The following SENP5 variants were observed in gnomAD, a reference collection of about 807,000 sequenced individuals.
The protein encoded by SENP5 is sentrin-specific protease 5.
A neutral mutation model predicts 74.2 loss-of-function variants in SENP5; 21 were observed. The observed-to-expected ratio is 0.28, with a 90% confidence interval of 0.20 to 0.41. The LOEUF (loss-of-function observed/expected upper bound fraction) is 0.41. SENP5 is among the 10% of genes least tolerant of loss of function. The probability of loss-of-function intolerance (pLI) is 1.00; values close to 1 mark genes in which losing one functional copy is unlikely to be tolerated. For missense variants in SENP5, 717 were observed against 889.1 expected (o/e 0.81, Z 2.46); for synonymous variants, 311 against 312.7 (o/e 0.99, Z 0.06).
chr3:196,880,393 T>G (rs1418754909), intron 1 of SENP5, among the ~76,000 whole-genome samples: 1 of 152,232 alleles, frequency 6.6e-6, no homozygotes, highest in Admixed American at 6.5e-5. Context: ...TCCAATGTTA[T>G]AGAACTGCAG....
intron 2 of SENP5, among the ~76,000 whole-genome samples, chr3:196,894,492 A>G (rs1311822204): frequency 6.6e-6 from 1 of 151,718 alleles, no homozygotes; most frequent in African/African-American, 2.4e-5. Flanking sequence ...TCTTTACACC[A>G]AAATGAATTC....
chr3:196,916,219 C>T (rs1320259890), intron 6 of SENP5, among the ~76,000 whole-genome samples: 2 of 151,904 alleles, frequency 1.3e-5, no homozygotes, highest in Non-Finnish European at 2.9e-5. Flanking sequence ...CCCAGCTATT[C>T]AGGAGGCTGA....
At position 196,886,377 on chromosome 3, in the gene SENP5, A is replaced by G. The variant is rs770623274; in HGVS notation, c.1196A>G (p.Gln399Arg). 2 of 1,612,916 alleles carry G rather than the reference A, an allele frequency of 1.2e-6. No individual in the cohort carries two copies. The highest frequency in any genetic ancestry group is 1.7e-6 in the Non-Finnish European group (2 of 1,179,372). The stretch of plus-strand genomic sequence containing the variant: ...GAAAGAGAAATTATGACTCTGGGTC[A>G]GGAAAATCAGACAAGTTCTGTCAGT... ...ETEREIMTLGQENQTSSVSDD... is the reference protein window; with the variant it reads ...ETEREIMTLGRENQTSSVSDD... Residue 399 changes from glutamine to arginine, a missense_variant, in exon 2 of 10, where the codon CAG becomes CGG. By Grantham distance (43) the Gln-to-Arg change is conservative. Transcript: ENST00000323460.
chr3:196,898,759 C>G (rs968928129), intron 2 of SENP5, among the ~76,000 whole-genome samples: 2 of 151,856 alleles, frequency 1.3e-5, no homozygotes, highest in African/African-American at 2.4e-5. Context: ...TAGTTCCATT[C>G]GATTCTATGC....
rs1322898664 is a variant in SENP5, at chr3:196,889,118, AAAAAAT to A, written c.1513+2434_1513+2439del. On this transcript the variant is annotated intron_variant, in intron 2 of 9. Coordinates refer to ENST00000323460, the MANE Select transcript of SENP5 (RefSeq NM_152699.5). Reference sequence around the variant, plus strand: ...GCGACAGAGCAAGACTCTGTCTCAAAAAAAATAAAAATAAATAAATTAGTAAATAAA... The same window carrying A: ...GCGACAGAGCAAGACTCTGTCTCAAAAAAAATAAATAAATTAGTAAATAAA... Among the ~76,000 whole-genome samples, 7 of 152,152 alleles carry A rather than the reference AAAAAAT, an allele frequency of 4.6e-5. No individual in the cohort carries two copies. In the South Asian group the frequency reaches 6.2e-4, roughly 14 times the overall value.
intron 2 of SENP5, among the ~76,000 whole-genome samples, chr3:196,893,419 C>T (rs1714298397): frequency 6.6e-6 from 1 of 152,006 alleles, no homozygotes; most frequent in Non-Finnish European, 1.5e-5. Context: ...TGCCCTTTTA[C>T]CCAGAAATTT....
intron 6 of SENP5, among the ~76,000 whole-genome samples, chr3:196,922,317 A>G (rs1715650371): frequency 6.6e-6 from 1 of 152,238 alleles, no homozygotes; most frequent in Non-Finnish European, 1.5e-5. Flanking sequence ...TAATACGTGG[A>G]AGAGCCACAA....
intron 1 of SENP5, among the ~76,000 whole-genome samples, chr3:196,878,673 T>C (rs1203393666): frequency 6.6e-6 from 1 of 152,142 alleles, no homozygotes; most frequent in African/African-American, 2.4e-5. Flanking sequence ...CTCACTGCAA[T>C]CTCCGTCTCT....
At chr3:196,919,458 G>A (rs1715523147) in intron 6 of SENP5, among the ~76,000 whole-genome samples, 1 of 152,154 alleles carries the variant, frequency 6.6e-6, no homozygotes, top group Non-Finnish European at 1.5e-5. Flanking sequence ...TCCAGCCTGG[G>A]CTACAGAGTG....
chr3:196,927,030 G>A (rs1715841531), intron 7 of SENP5, among the ~76,000 whole-genome samples: 2 of 152,172 alleles, frequency 1.3e-5, no homozygotes, highest in Admixed American at 6.5e-5. Context: ...CACAGAGGTT[G>A]AGAGCACTGG....
rs766588296 is a variant in SENP5 at position 196,886,502 on chromosome 3, C to A, written c.1321C>A (p.Gln441Lys). The A allele has an allele frequency of 6.2e-7, 1 of 1,612,586 alleles. No individual in the cohort carries two copies. Among genetic ancestry groups the A allele is most frequent in the Non-Finnish European group, 8.5e-7 (1 of 1,179,446 alleles). Reference sequence around the variant, plus strand: ...GGCTGTTCAAAATGAGAACTCATACCAGATGGAGGAGGATGGATCTCTCAA... The same window carrying A: ...GGCTGTTCAAAATGAGAACTCATACAAGATGGAGGAGGATGGATCTCTCAA... ...QKAVQNENSY[Q>K]MEEDGSLKQS... is the part of the protein sequence containing the mutation. The change falls in exon 2 of 10, where the codon CAG becomes AAG. Residue 441 changes from glutamine to lysine, a missense_variant. Physicochemically the swap from Gln to Lys is moderately conservative, Grantham distance 53. Coordinates refer to ENST00000323460, the MANE Select transcript of SENP5 (RefSeq NM_152699.5).
chr3:196,914,456 A>G (rs562526161), intron 6 of SENP5: 1 of 150,764 alleles, frequency 6.6e-6, no homozygotes, highest in South Asian at 2.1e-4. Context: ...AAAAAATTGT[A>G]CAAGTATATG....
intron 6 of SENP5, among the ~76,000 whole-genome samples, chr3:196,908,739 C>CT (rs1715005755): frequency 6.6e-6 from 1 of 152,182 alleles, no homozygotes; most frequent in Non-Finnish European, 1.5e-5. Context: ...AGGAGAATCA[C>CT]TTGAACCCGG....
intron 2 of SENP5, among the ~76,000 whole-genome samples, chr3:196,897,486 C>G (rs1714492310): frequency 6.6e-6 from 1 of 152,164 alleles, no homozygotes; most frequent in Non-Finnish European, 1.5e-5. Flanking sequence ...TTTACTGTAC[C>G]CTGACCTTTG....
At chr3:196,930,779 C>T in intron 9 of SENP5, 34 bp from the exon 10 acceptor site, 2 of 1,266,080 alleles carry the variant, frequency 1.6e-6, no homozygotes. Flanking sequence ...CTCCAAGTGC[C>T]ACTGAAGTGT....
At position 196,932,158 on chromosome 3, in the gene SENP5, G is replaced by A. The variant is rs73891579; in HGVS notation, c.*1235G>A. 1,898 of 178,270 alleles carry A rather than the reference G, an allele frequency of 0.011. 32 individuals are homozygous for A. The highest frequency in any genetic ancestry group is 0.04 in the African/African-American group (1,670 of 41,766). 11.0% of individuals were successfully genotyped at this position (178,270 alleles called of 1,614,324 possible). A position where few individuals can be genotyped will look rare whatever the true frequency, so the allele number is the denominator to read the frequency against. On this transcript the variant is annotated 3_prime_UTR_variant, in exon 10 of 10. Coordinates refer to ENST00000323460, the MANE Select transcript of SENP5 (RefSeq NM_152699.5). ...AGCTGCATTAGGATGAATATCACGC[G>A]TCTCACATCTTTAATCCAGCCTTTC...
intron 6 of SENP5, among the ~76,000 whole-genome samples, chr3:196,918,283 G>T (rs1715466454): frequency 6.7e-6 from 1 of 150,330 alleles, no homozygotes; most frequent in African/African-American, 2.5e-5. Flanking sequence ...CTCCAAGCTG[G>T]GCGACAGAAC....
chr3:196,930,280 G>T (rs924984086), intron 9 of SENP5, among the ~76,000 whole-genome samples: 1 of 152,134 alleles, frequency 6.6e-6, no homozygotes, highest in African/African-American at 2.4e-5. Flanking sequence ...GGGCCATGAT[G>T]GGTCTAGCTG....
At chr3:196,887,527 T>C (rs1714026325) in intron 2 of SENP5, among the ~76,000 whole-genome samples, 1 of 151,372 alleles carries the variant, frequency 6.6e-6, no homozygotes, top group South Asian at 2.1e-4. Flanking sequence ...TTTTTTTTAA[T>C]ATAGGAGACG....
Sources: gnomAD v4.1 joint callset for allele counts (sites outside exome capture counted in the v4.1 genomes callset) on GRCh38, gnomAD v4.1.1 for gene constraint, MANE v1.5 for transcripts, NCBI Gene and HGNC (gene_info 2026-07-23, HGNC 2026-07-21) for gene names.